The following HPSE2 variants were observed in gnomAD, a reference collection of about 807,000 sequenced individuals.
HPSE2 encodes the protein heparanase 2 (inactive).
A neutral mutation model predicts 60.5 loss-of-function variants in HPSE2; 38 were observed. That is an observed-to-expected ratio of 0.63 (90% CI 0.48 to 0.82). HPSE2 has a LOEUF of 0.82. Among genes scored for constraint, HPSE2 ranks in the 40% least tolerant of loss-of-function variants. The probability of loss-of-function intolerance (pLI) is 0.00; values close to 1 mark genes in which losing one functional copy is unlikely to be tolerated. For missense variants in HPSE2, 713 were observed against 740.4 expected (o/e 0.96, Z 0.43); for synonymous variants, 295 against 293.2 (o/e 1.01, Z -0.06).
chr10:98,543,008 C>A (rs1943527349), intron 9 of HPSE2, among the ~76,000 whole-genome samples: 1 of 152,016 alleles, frequency 6.6e-6, no homozygotes, highest in African/African-American at 2.4e-5. Context: ...AGAAGAGCAA[C>A]TCCAAGACAC....
chr10:98,498,253 T>C (rs981670347), intron 9 of HPSE2, among the ~76,000 whole-genome samples: 1 of 152,170 alleles, frequency 6.6e-6, no homozygotes, highest in Non-Finnish European at 1.5e-5. Flanking sequence ...CTGCAGGACC[T>C]GGGAGACACC....
intron 3 of HPSE2, among the ~76,000 whole-genome samples, chr10:99,003,370 G>A (rs1022812561): frequency 5.3e-5 from 8 of 151,970 alleles, no homozygotes; most frequent in African/African-American, 1.2e-4. Context: ...ACCCATTAAT[G>A]AGACTGCTGC....
At chr10:98,527,363 C>T (rs1051220703) in intron 9 of HPSE2, among the ~76,000 whole-genome samples, 1 of 152,206 alleles carries the variant, frequency 6.6e-6, no homozygotes, top group Non-Finnish European at 1.5e-5. Flanking sequence ...GCACACTCTG[C>T]ATGATCTGCC....
chr10:98,712,192 G>A (rs545035831), intron 5 of HPSE2, among the ~76,000 whole-genome samples: 3 of 151,914 alleles, frequency 2.0e-5, no homozygotes, highest in East Asian at 3.9e-4. Context: ...TCCAATGTTC[G>A]ACAGACTGAC....
chr10:99,089,667 G>T (rs10883257), intron 3 of HPSE2, among the ~76,000 whole-genome samples: 1 of 151,604 alleles, frequency 6.6e-6, no homozygotes, highest in African/African-American at 2.4e-5. Flanking sequence ...TCTTTTTTTT[G>T]GCTCCATATG....
chr10:99,235,857 G>A, upstream of HPSE2: 1 of 1,490,808 alleles, frequency 6.7e-7, no homozygotes, highest in Non-Finnish European at 9.3e-7. Flanking sequence ...GTGACTAATT[G>A]TCCTTATCTA....
intron 9 of HPSE2, among the ~76,000 whole-genome samples, chr10:98,580,438 G>C (rs372329136): frequency 3.3e-5 from 5 of 151,730 alleles, no homozygotes; most frequent in Admixed American, 2.0e-4. Context: ...TCAATATTTT[G>C]TATCTTTTTG....
At chr10:98,664,651 A>T (rs538318958) in intron 6 of HPSE2, among the ~76,000 whole-genome samples, 77 of 152,308 alleles carry the variant, frequency 5.1e-4, no homozygotes, top group African/African-American at 1.7e-3. Context: ...GGCGCCATCT[A>T]CTGGATGGTA....
rs145266469 is a variant in HPSE2 at position 99,032,622 on chromosome 10, C to T, written c.610+111616G>A. ...CTATTGCTGCTATAACAAATTACCA[C>T]AAACTTCATGGCTTAAACAATACAA... On this transcript the variant is annotated intron_variant, in intron 3 of 11. Transcript: ENST00000370552. 2.8e-3 allele frequency among the ~76,000 whole-genome samples: 419 copies of T among 152,268 alleles called. 1 individual carries two copies. The highest frequency in any genetic ancestry group is 3.8e-3 in the Non-Finnish European group (258 of 68,022).
Position 99,155,979 on chromosome 10 carries a change from C to G in HPSE2, c.449-11580G>C, listed in dbSNP as rs1024911054. On this transcript the variant is annotated intron_variant, in intron 2 of 11. Coordinates refer to ENST00000370552, the MANE Select transcript of HPSE2 (RefSeq NM_021828.5). Reference sequence around the variant, plus strand: ...AGAGAATACTATAAACACCTCTACGCAAATAAACTAGAAAATCTAGAAGAA... The same window carrying G: ...AGAGAATACTATAAACACCTCTACGGAAATAAACTAGAAAATCTAGAAGAA... Among the ~76,000 whole-genome samples the G allele has an allele frequency of 1.1e-4, 17 of 151,494 alleles. No homozygotes were observed. The East Asian group carries it at 1.2e-3, about 10-fold the overall frequency.
At chr10:99,128,965 T>G (rs1845275253) in intron 3 of HPSE2, among the ~76,000 whole-genome samples, 1 of 152,118 alleles carries the variant, frequency 6.6e-6, no homozygotes, top group South Asian at 2.1e-4. Flanking sequence ...AGATATCCCA[T>G]GCAAACGGAC....
rs961221093 is a variant in HPSE2, at chr10:98,459,468, C to T, written c.*106G>A. ...CTGTGTTGATTCCAGCAGGATGGGGCAGCAGGGGCTGGTTGCTAGGATGTC... is the reference window on the plus strand; with the variant it reads ...CTGTGTTGATTCCAGCAGGATGGGGTAGCAGGGGCTGGTTGCTAGGATGTC... On this transcript the variant is annotated 3_prime_UTR_variant, in exon 12 of 12. Transcript: ENST00000370552. 2.2e-5 allele frequency: 26 copies of T among 1,178,426 alleles called. No individual in the cohort carries two copies. The highest frequency in any genetic ancestry group is 3.1e-5 in the Non-Finnish European group (24 of 785,404). 73.0% of individuals were successfully genotyped at this position (1,178,426 alleles called of 1,614,324 possible).
chr10:98,489,385 T>A (rs537789488), intron 10 of HPSE2, among the ~76,000 whole-genome samples: 31 of 152,320 alleles, frequency 2.0e-4, no homozygotes, highest in Admixed American at 6.5e-4. Flanking sequence ...TGACAACCAG[T>A]TCTTCAGATC....
At chr10:98,605,985 C>T (rs1379592814) in intron 9 of HPSE2, among the ~76,000 whole-genome samples, 1 of 152,224 alleles carries the variant, frequency 6.6e-6, no homozygotes, top group African/African-American at 2.4e-5. Context: ...AGAAGCCTCC[C>T]CTCCTCATTA....
At chr10:99,304,841 G>C in the HPSE2 span, among the ~76,000 whole-genome samples, 1 of 152,196 alleles carries the variant, frequency 6.6e-6, no homozygotes, top group Non-Finnish European at 1.5e-5. Context: ...ACATGGGCAG[G>C]AGTGACAAAA....
At chr10:99,282,808 A>G in the HPSE2 span, among the ~76,000 whole-genome samples, 4 of 152,208 alleles carry the variant, frequency 2.6e-5, no homozygotes. Context: ...ACTGCGACAA[A>G]TAAAAATGAA....
At position 98,991,187 on chromosome 10, in the gene HPSE2, AAAG is replaced by A. The variant is rs1589478196; in HGVS notation, c.610+153048_610+153050del. 2.6e-5 allele frequency among the ~76,000 whole-genome samples: 4 copies of A among 152,338 alleles called. No individual in the cohort carries two copies. The South Asian group carries it at 8.3e-4, about 32-fold the overall frequency. ...ACACAGAACAAAGTTCCTTACATTCAAAGAAGAAGTTACAGACAATAAATTGCT... is the reference window on the plus strand; with the variant it reads ...ACACAGAACAAAGTTCCTTACATTCAAAGAAGTTACAGACAATAAATTGCT... On this transcript the variant is annotated intron_variant, in intron 3 of 11. Coordinates refer to ENST00000370552, the MANE Select transcript of HPSE2 (RefSeq NM_021828.5).
At chr10:99,185,212 G>A (rs1006205390) in intron 2 of HPSE2, among the ~76,000 whole-genome samples, 1 of 151,828 alleles carries the variant, frequency 6.6e-6, no homozygotes, top group Non-Finnish European at 1.5e-5. Flanking sequence ...GCTGAGGCAG[G>A]AGAATCACTT....
chr10:98,525,559 G>A (rs2133786435), intron 9 of HPSE2, among the ~76,000 whole-genome samples: 1 of 152,338 alleles, frequency 6.6e-6, no homozygotes, highest in Admixed American at 6.5e-5. Flanking sequence ...AGAAAACCAT[G>A]GCAGCTGCTG....
Sources: allele counts gnomAD v4.1 joint callset (sites outside exome capture counted in the v4.1 genomes callset), GRCh38; gene constraint gnomAD v4.1.1; transcripts MANE v1.5; gene names NCBI Gene and HGNC (gene_info 2026-07-23, HGNC 2026-07-21).